The following MYO5C variants were observed in gnomAD, a reference collection of about 807,000 sequenced individuals.
MYO5C encodes the protein myosin VC, also known as unconventional myosin-Vc.
Under a neutral mutation model 235.7 loss-of-function variants are expected in MYO5C, and 194 were observed. The observed-to-expected ratio is 0.82, with a 90% confidence interval of 0.73 to 0.93. The LOEUF is 0.93. Ranked by LOEUF, MYO5C falls within the 40% of genes least tolerant of loss-of-function variation. The probability of loss-of-function intolerance (pLI) is 0.00; values close to 1 mark genes in which losing one functional copy is unlikely to be tolerated. For synonymous variants in MYO5C, 707 were observed against 754.8 expected (o/e 0.94, Z 1.04); for missense variants, 2,038 against 2,127.2 (o/e 0.96, Z 0.82).
intron 19 of MYO5C, 127 bp downstream of exon 19, chr15:52,244,229 G>A (rs1187902038): frequency 1.6e-5 from 13 of 822,668 alleles, no homozygotes. Context: ...CCACAAAGGG[G>A]ACCCATGCAC....
chr15:52,246,373 T>C (rs1337417442), intron 16 of MYO5C, among the ~76,000 whole-genome samples: 1 of 152,080 alleles, frequency 6.6e-6, no homozygotes, highest in Non-Finnish European at 1.5e-5. Context: ...GATGCTTGAA[T>C]TTCCTCTACA....
At chr15:52,286,937 T>TAA (rs1056891976) in intron 1 of MYO5C, among the ~76,000 whole-genome samples, 1 of 50,282 alleles carries the variant, frequency 2.0e-5, no homozygotes, top group Non-Finnish European at 4.3e-5. Context: ...GAATGATCAA[T>TAA]AAAAAAAAAA....
At chr15:52,269,444 T>G (rs1392215355) in intron 8 of MYO5C, among the ~76,000 whole-genome samples, 1 of 140,174 alleles carries the variant, frequency 7.1e-6, no homozygotes, top group African/African-American at 2.6e-5. Context: ...CAGGCTGGAG[T>G]GCAGTGGTGT....
chr15:52,236,832 C>A (rs1227420149), intron 22 of MYO5C: 2 of 152,188 alleles, frequency 1.3e-5, no homozygotes, highest in Non-Finnish European at 2.9e-5. Context: ...CTGTCAATCT[C>A]TTTTTGTTAT....
intron 35 of MYO5C, among the ~76,000 whole-genome samples, chr15:52,211,191 A>G (rs2035434730): frequency 6.6e-6 from 1 of 152,236 alleles, no homozygotes; most frequent in African/African-American, 2.4e-5. Context: ...GCTATCAGCA[A>G]AGAAAAATCC....
intron 4 of MYO5C, chr15:52,277,915 C>A: frequency 2.2e-6 from 1 of 456,036 alleles, no homozygotes; most frequent in Non-Finnish European, 4.4e-6. Context: ...GAGAGTCCAG[C>A]TCACAGACGA....
intron 24 of MYO5C, among the ~76,000 whole-genome samples, chr15:52,231,096 G>A (rs1391903661): frequency 6.6e-6 from 1 of 152,176 alleles, no homozygotes; most frequent in East Asian, 1.9e-4. Context: ...CCAAAGTGCT[G>A]GGATTACAGG....
intron 21 of MYO5C, among the ~76,000 whole-genome samples, chr15:52,239,226 C>T (rs955559494): frequency 2.0e-5 from 3 of 152,202 alleles, no homozygotes; most frequent in African/African-American, 7.2e-5. Context: ...GCTGGGATTA[C>T]AGGTGTCAGC....
At chr15:52,199,226 G>T (rs982843824) in intron 38 of MYO5C, among the ~76,000 whole-genome samples, 1 of 152,070 alleles carries the variant, frequency 6.6e-6, no homozygotes, top group African/African-American at 2.4e-5. Flanking sequence ...GTTTCTAATG[G>T]GGCTCCCATC....
At chr15:52,196,989 G>A (rs572702566) in intron 38 of MYO5C, among the ~76,000 whole-genome samples, 2 of 152,272 alleles carry the variant, frequency 1.3e-5, no homozygotes, top group African/African-American at 4.8e-5. Context: ...GAAGTTAATC[G>A]ACCTCTCTGG....
rs2035283894 is a variant in MYO5C, at chr15:52,205,239, T to C, written c.4538-92A>G. ...TCGGTTTGTTTCAGGAGATGGGACA[T>C]TTTTCTACAAGAGTCAGTGGATGTA... On this transcript the variant is annotated intron_variant, in intron 37 of 40. Transcript: ENST00000261839. 4.3e-6 allele frequency: 6 copies of C among 1,391,138 alleles called. No homozygotes were observed. The South Asian group carries it at 6.6e-5, about 15-fold the overall frequency. The allele number at this position is 1,391,138 out of a possible 1,614,324, so 86.2% of individuals were successfully genotyped here. A position where few individuals can be genotyped will look rare whatever the true frequency, so the allele number is the denominator to read the frequency against.
intron 7 of MYO5C, among the ~76,000 whole-genome samples, chr15:52,271,521 G>A (rs886685042): frequency 3.3e-5 from 5 of 151,990 alleles, no homozygotes; most frequent in East Asian, 1.9e-4. Flanking sequence ...GAGCCATCAC[G>A]CCAGGCCCAA....
In MYO5C at chr15:52,279,678, T is replaced by C. The variant is rs371948352; in HGVS notation, c.139-4A>G. Reference sequence around the variant, plus strand: ...GATTGACAGAATAATCCAGCTCCTATGGACAAAGATAAAAATTAAAGCTCT... The same window carrying C: ...GATTGACAGAATAATCCAGCTCCTACGGACAAAGATAAAAATTAAAGCTCT... On this transcript the variant is annotated splice_polypyrimidine_tract_variant and splice_region_variant and intron_variant, in intron 2 of 40. Coordinates refer to ENST00000261839, the MANE Select transcript of MYO5C (RefSeq NM_018728.4). 1.9e-4 allele frequency: 307 copies of C among 1,600,880 alleles called. No individual in the cohort carries two copies. In the African/African-American group the frequency reaches 3.1e-3, roughly 16 times the overall value.
intron 13 of MYO5C, among the ~76,000 whole-genome samples, chr15:52,249,280 T>G (rs1421937280): frequency 6.6e-6 from 1 of 152,138 alleles, no homozygotes; most frequent in East Asian, 1.9e-4. Flanking sequence ...TGGGTCAACC[T>G]TTGCACTGCT....
At chr15:52,281,742 G>A (rs1490210235) in intron 2 of MYO5C, among the ~76,000 whole-genome samples, 1 of 152,226 alleles carries the variant, frequency 6.6e-6, no homozygotes, top group Admixed American at 6.5e-5. Flanking sequence ...TCTAGAGGGT[G>A]TGTCTTTAAC....
intron 23 of MYO5C, among the ~76,000 whole-genome samples, chr15:52,234,937 C>G (rs2036044011): frequency 6.6e-6 from 1 of 152,186 alleles, no homozygotes; most frequent in Non-Finnish European, 1.5e-5. Context: ...AGGAAGAGAT[C>G]CCTAGGCAAG....
At position 52,196,447 on chromosome 15, in the gene MYO5C, A is replaced by G; in HGVS notation, c.4857T>C (p.Asp1619=). 1 of 1,614,102 alleles carries G rather than the reference A, an allele frequency of 6.2e-7. No homozygotes were observed. The highest frequency in any genetic ancestry group is 1.1e-5 in the South Asian group (1 of 91,070). The part of the protein sequence containing the change: ...NISYLEEWLK[D]KNLQNSLAKE... ...TTGCTAAGCTGTTCTGCAAGTTCTT[A>G]TCTTTAAGCCATTCTTCTAAGTAGC... The change falls in exon 39 of 41, where the codon GAT becomes GAC. Residue 1619 remains aspartate (D), a synonymous_variant. Coordinates refer to ENST00000261839, the MANE Select transcript of MYO5C (RefSeq NM_018728.4).
chr15:52,228,661 C>T (rs1178577411), intron 25 of MYO5C, among the ~76,000 whole-genome samples: 1 of 152,196 alleles, frequency 6.6e-6, no homozygotes, highest in Non-Finnish European at 1.5e-5. Context: ...TTAAGATTTA[C>T]TCATAGCAAT....
chr15:52,284,561 C>T (rs1241929434), intron 1 of MYO5C, among the ~76,000 whole-genome samples: 1 of 152,076 alleles, frequency 6.6e-6, no homozygotes, highest in Admixed American at 6.6e-5. Context: ...AAACCTCAGA[C>T]AATGCAGACT....
Sources: gnomAD v4.1 joint callset for allele counts (sites outside exome capture counted in the v4.1 genomes callset) on GRCh38, gnomAD v4.1.1 for gene constraint, MANE v1.5 for transcripts, NCBI Gene and HGNC (gene_info 2026-07-23, HGNC 2026-07-21) for gene names.